Variants in ALOX5AP observed in about 807,000 individuals in gnomAD.
ALOX5AP encodes the protein arachidonate 5-lipoxygenase-activating protein.
ALOX5AP carries 9 observed loss-of-function variants against 18.5 expected under a neutral mutation model. That is an observed-to-expected ratio of 0.49 (90% CI 0.29 to 0.85). ALOX5AP has a LOEUF of 0.85. Ranked by LOEUF, ALOX5AP falls within the 40% of genes least tolerant of loss-of-function variation. The pLI is 0.08. For missense variants in ALOX5AP, 172 were observed against 202.5 expected, an observed-to-expected ratio of 0.85 and a Z score of 0.91; for synonymous variants, 81 against 78.6, an observed-to-expected ratio of 1.03 and a Z score of -0.16.
At chr13:30,730,106 A>G (rs1951669805) in intron 1 of ALOX5AP, among the ~76,000 whole-genome samples, 2 of 152,240 alleles carry the variant, frequency 1.3e-5, no homozygotes, top group Non-Finnish European at 2.9e-5. Flanking sequence ...TCAGCTTACA[A>G]CTTAAGATTC....
chr13:30,763,045 C>T (rs371045680), intron 4 of ALOX5AP, among the ~76,000 whole-genome samples: 4 of 152,284 alleles, frequency 2.6e-5, no homozygotes, highest in South Asian at 4.1e-4. Context: ...TGGTGGTTTA[C>T]GCCTATAATC....
Position 30,764,150 on chromosome 13 carries a change from C to A in ALOX5AP, c.*44C>A, listed in dbSNP as rs757116663. 2 of 1,573,662 alleles carry A rather than the reference C, an allele frequency of 1.3e-6. No homozygotes were observed. Among genetic ancestry groups the A allele is most frequent in the South Asian group, 2.3e-5 (2 of 86,616 alleles). Reference sequence around the variant, plus strand: ...GTTGGTGTTCTCATCTAATCAATACCTACAAGTCATCATAATTCAGCTCTT... The same window carrying A: ...GTTGGTGTTCTCATCTAATCAATACATACAAGTCATCATAATTCAGCTCTT... On this transcript the variant is annotated 3_prime_UTR_variant, in exon 5 of 5. Transcript: ENST00000380490.
At chr13:30,747,255 C>A (rs1951816633) in intron 2 of ALOX5AP, among the ~76,000 whole-genome samples, 2 of 152,260 alleles carry the variant, frequency 1.3e-5, no homozygotes. Context: ...TGGCTCACTG[C>A]AACCTCGGCC....
chr13:30,758,798 C>T (rs1951917519), intron 4 of ALOX5AP, among the ~76,000 whole-genome samples: 1 of 151,080 alleles, frequency 6.6e-6, no homozygotes, highest in Admixed American at 6.6e-5. Context: ...CTTCCCTTCC[C>T]TTCCCTCCCT....
At chr13:30,721,519 C>T (rs1035187730) in intron 1 of ALOX5AP, among the ~76,000 whole-genome samples, 2 of 151,808 alleles carry the variant, frequency 1.3e-5, no homozygotes, top group African/African-American at 4.8e-5. Context: ...AGTAAACAGA[C>T]CCTCAATGCA....
At chr13:30,753,384 T>C (rs10507393) in intron 3 of ALOX5AP, among the ~76,000 whole-genome samples, 35,491 of 152,178 alleles carry the variant, frequency 0.23, 5,204 homozygotes, top group Non-Finnish European at 0.32. Flanking sequence ...GAGTTATGGT[T>C]CTTTTTATGT....
At chr13:30,758,608 G>A (rs564140641) in intron 4 of ALOX5AP, among the ~76,000 whole-genome samples, 11 of 152,246 alleles carry the variant, frequency 7.2e-5, no homozygotes, top group African/African-American at 2.4e-4. Context: ...GGATTTTGCA[G>A]CTCCCTTTTT....
chr13:30,737,398 A>T (rs1951729907), intron 1 of ALOX5AP, among the ~76,000 whole-genome samples: 1 of 152,170 alleles, frequency 6.6e-6, no homozygotes, highest in Non-Finnish European at 1.5e-5. Context: ...CCCTGTTCAG[A>T]TTGAGGTGAG....
Position 30,752,099 on chromosome 13 carries a change from C to G in ALOX5AP, c.218C>G (p.Ser73Cys). The change falls in exon 3 of 5, where the codon TCT becomes TGT. Residue 73 changes from serine to cysteine, a missense_variant. Transcript: ENST00000380490. The part of the protein sequence containing the change: ...AYPTFLAVLW[S>C]AGLLCSQVPA... ...CCCACTTTCCTCGCTGTGCTCTGGT[C>G]TGCGGGGCTACTTTGCAGCCAAGGT... The G allele has an allele frequency of 1.2e-6, 2 of 1,614,144 alleles. No individual in the cohort carries two copies. The highest frequency in any genetic ancestry group is 2.2e-5 in the East Asian group (1 of 44,874).
intron 4 of ALOX5AP, among the ~76,000 whole-genome samples, chr13:30,757,321 C>T (rs925535054): frequency 1.3e-5 from 2 of 152,132 alleles, no homozygotes; most frequent in African/African-American, 4.8e-5. Context: ...CGGGGTTAGA[C>T]CGTGAGCCGG....
rs1348170960 is a variant in ALOX5AP at position 30,744,072 on chromosome 13, A to G, written c.83A>G (p.His28Arg). 1.9e-6 allele frequency: 3 copies of G among 1,614,008 alleles called. No homozygotes were observed. The highest frequency in any genetic ancestry group is 1.7e-5 in the Admixed American group (1 of 60,012). The change falls in exon 2 of 5, where the codon CAT (histidine) becomes CGT (arginine). Residue 28 changes from histidine to arginine, a missense_variant. Physicochemically the swap from His to Arg is conservative, Grantham distance 29 (BLOSUM62 0). Transcript: ENST00000380490. ...TTTCCCTTGGCAGGATTCTTTGCCC[A>G]TAAAGTGGAGCACGAAAGCAGGACC... ...ISVVQNGFFA[H>R]KVEHESRTQN...
rs200824730 is a variant in ALOX5AP at position 30,764,199 on chromosome 13, A to T, written c.*93A>T. On this transcript the variant is annotated 3_prime_UTR_variant, in exon 5 of 5. Coordinates refer to ENST00000380490, the MANE Select transcript of ALOX5AP (RefSeq NM_001629.4). ...TTGAGAGCATTCTGCTCTTCTTTAG[A>T]TGGCTGTAAATCTATTGGCCATCTG... 4 of 1,376,714 alleles carry T rather than the reference A, an allele frequency of 2.9e-6. No homozygotes were observed. Among genetic ancestry groups the T allele is most frequent in the Non-Finnish European group, 3.9e-6 (4 of 1,017,318 alleles). The allele number at this position is 1,376,714 out of a possible 1,614,324, so 85.3% of individuals were successfully genotyped here. A position where few individuals can be genotyped will look rare whatever the true frequency, so the allele number is the denominator to read the frequency against.
chr13:30,750,456 C>G (rs928559147), intron 2 of ALOX5AP, among the ~76,000 whole-genome samples: 3 of 152,172 alleles, frequency 2.0e-5, no homozygotes, highest in African/African-American at 7.2e-5. Flanking sequence ...GCAGACTTCT[C>G]AGGAGGACAC....
intron 1 of ALOX5AP, among the ~76,000 whole-genome samples, chr13:30,740,551 C>T (rs1951754706): frequency 1.3e-5 from 2 of 152,134 alleles, no homozygotes; most frequent in Admixed American, 6.6e-5. Flanking sequence ...TGTATTGTTT[C>T]TGTAGCATAC....
chr13:30,759,619 C>G (rs1054700076), intron 4 of ALOX5AP, among the ~76,000 whole-genome samples: 13 of 152,178 alleles, frequency 8.5e-5, no homozygotes, highest in Non-Finnish European at 1.8e-4. Flanking sequence ...TCTCAAAAAG[C>G]AAGAAGACTG....
chr13:30,749,629 G>T (rs933855544), intron 2 of ALOX5AP, among the ~76,000 whole-genome samples: 1 of 152,166 alleles, frequency 6.6e-6, no homozygotes, highest in Non-Finnish European at 1.5e-5. Flanking sequence ...ATTTGTAGGG[G>T]CCTCCTGCCC....
At chr13:30,744,669 T>A (rs964627150) in intron 2 of ALOX5AP, among the ~76,000 whole-genome samples, 5 of 152,210 alleles carry the variant, frequency 3.3e-5, no homozygotes, top group African/African-American at 9.6e-5. Context: ...AATGGGGACA[T>A]TAGCAGGTGC....
chr13:30,746,109 G>A (rs1000150654), intron 2 of ALOX5AP, among the ~76,000 whole-genome samples: 2 of 152,230 alleles, frequency 1.3e-5, no homozygotes, highest in African/African-American at 4.8e-5. Context: ...TTAGACCTGG[G>A]CTCGCTAGTT....
intron 1 of ALOX5AP, among the ~76,000 whole-genome samples, chr13:30,740,718 G>A (rs536579506): frequency 2.6e-5 from 4 of 152,184 alleles, no homozygotes; most frequent in African/African-American, 4.8e-5. Flanking sequence ...GGATAGGGAA[G>A]ATCTGTGCGT....
Sources: allele counts gnomAD v4.1 joint callset (sites outside exome capture counted in the v4.1 genomes callset), GRCh38; gene constraint gnomAD v4.1.1; transcripts MANE v1.5; gene names NCBI Gene and HGNC (gene_info 2026-07-23, HGNC 2026-07-21).